GPC3: variants seen among roughly 807,000 people sequenced by gnomAD.
GPC3 encodes the protein glypican-3.
GPC3 carries 3 observed loss-of-function variants against 34.4 expected under a neutral mutation model. The observed-to-expected ratio is 0.09, with a 90% CI of 0.04 to 0.23. The LOEUF (loss-of-function observed/expected upper bound fraction) is 0.23, where lower values mean the gene tolerates loss of function less well. Ranked by LOEUF, GPC3 falls within the 10% of genes least tolerant of loss-of-function variation. The pLI, the probability that GPC3 is intolerant of heterozygous loss-of-function variation, is 1.00. For missense variants in GPC3, 351 were observed against 445.6 expected (o/e 0.79, Z 1.91); for synonymous variants, 177 against 174.0 (o/e 1.02, Z -0.13).
intron 2 of GPC3, among the ~76,000 whole-genome samples, chrX:133,776,834 C>T (rs1024302054): frequency 9.2e-6 from 1 of 109,144 alleles, no homozygotes; most frequent in African/African-American, 3.3e-5. Flanking sequence ...AATGAGTATA[C>T]TCAAAAATTA....
chrX:133,554,652 C>A (rs1341945870), intron 7 of GPC3, among the ~76,000 whole-genome samples: 1 of 110,483 alleles, frequency 9.1e-6, no homozygotes, highest in Non-Finnish European at 1.9e-5. Context: ...TGTTTCTAAC[C>A]GTCCTCCCCA....
chrX:133,838,591 G>A (rs1454127638), intron 2 of GPC3, among the ~76,000 whole-genome samples: 2 of 112,440 alleles, frequency 1.8e-5, no homozygotes, highest in Non-Finnish European at 3.8e-5. Context: ...TTTACATTCT[G>A]AATAAGCCTG....
intron 2 of GPC3, among the ~76,000 whole-genome samples, chrX:133,762,124 T>C (rs111513797): frequency 5.5e-4 from 62 of 112,225 alleles, no homozygotes; most frequent in Non-Finnish European, 8.3e-4. Flanking sequence ...AGAGGAGCTA[T>C]GCCTACCACT....
intron 5 of GPC3, among the ~76,000 whole-genome samples, chrX:133,685,994 C>T (rs144238715): frequency 0.018 from 1,999 of 111,507 alleles, 15 homozygotes; most frequent in Middle Eastern, 0.032. Context: ...GGCCCAGCAA[C>T]ATGATAAAGG....
At chrX:133,872,254 T>G (rs2075996938) in intron 2 of GPC3, among the ~76,000 whole-genome samples, 1 of 111,308 alleles carries the variant, frequency 9.0e-6, no homozygotes, top group Admixed American at 9.6e-5. Context: ...TTCTCTGAGG[T>G]TCGGGCTTTC....
intron 2 of GPC3, among the ~76,000 whole-genome samples, chrX:133,771,783 A>C (rs962854629): frequency 2.7e-5 from 3 of 112,190 alleles, no homozygotes; most frequent in African/African-American, 9.7e-5. Context: ...TATTCTCCTT[A>C]GGCTATAAAT....
At chrX:133,598,284 C>T (rs1338218530) in intron 6 of GPC3, among the ~76,000 whole-genome samples, 1 of 110,036 alleles carries the variant, frequency 9.1e-6, no homozygotes, top group Non-Finnish European at 1.9e-5. Flanking sequence ...TCCTAAGTAG[C>T]TGGGACTACA....
intron 7 of GPC3, among the ~76,000 whole-genome samples, chrX:133,558,832 G>A (rs2069516488): frequency 9.2e-6 from 1 of 108,455 alleles, no homozygotes; most frequent in African/African-American, 3.4e-5. Context: ...GGAGGTTGCA[G>A]TGAGCCAAAG....
At chrX:133,752,580 G>A (rs867931684) in intron 3 of GPC3, among the ~76,000 whole-genome samples, 1 of 111,354 alleles carries the variant, frequency 9.0e-6, no homozygotes, top group Non-Finnish European at 1.9e-5. Context: ...TAGGGAAACT[G>A]ACTGGTAACT....
intron 2 of GPC3, among the ~76,000 whole-genome samples, chrX:133,835,068 C>T (rs1367586675): frequency 8.9e-6 from 1 of 111,920 alleles, no homozygotes; most frequent in Non-Finnish European, 1.9e-5. Flanking sequence ...CTATATTTTA[C>T]AGTGTTTAAT....
chrX:133,970,251 C>T (rs752560650), intron 1 of GPC3, among the ~76,000 whole-genome samples: 4 of 111,245 alleles, frequency 3.6e-5, no homozygotes, highest in African/African-American at 6.5e-5. Context: ...AGGAATGTGC[C>T]GGGCTCCACA....
In GPC3 at chrX:133,810,132, C is replaced by T. The variant is rs1053664567; in HGVS notation, c.338-55956G>A. 6.2e-5 allele frequency among the ~76,000 whole-genome samples: 7 copies of T among 112,022 alleles called. No individual in the cohort carries two copies. The Admixed American group carries it at 6.6e-4, about 11-fold the overall frequency. Reference sequence around the variant, plus strand: ...GAGTTTTACTCATTCTCATCTCTCACCCAGAAGTACAAGCTCAAGTTCATT... The same window carrying T: ...GAGTTTTACTCATTCTCATCTCTCATCCAGAAGTACAAGCTCAAGTTCATT... On this transcript the variant is annotated intron_variant, in intron 2 of 7. Coordinates refer to ENST00000370818, the MANE Select transcript of GPC3 (RefSeq NM_004484.4).
chrX:133,762,677 C>T, intron 2 of GPC3: 1 of 323,011 alleles, frequency 3.1e-6, no homozygotes, highest in African/African-American at 2.6e-5. Context: ...CCATCTCACA[C>T]CAGTCAGAAT....
intron 2 of GPC3, among the ~76,000 whole-genome samples, chrX:133,807,906 T>C (rs1235710840): frequency 1.8e-5 from 2 of 111,893 alleles, no homozygotes; most frequent in African/African-American, 6.5e-5. Flanking sequence ...AATCAGAAAA[T>C]ATGGGGTAAG....
intron 7 of GPC3, among the ~76,000 whole-genome samples, chrX:133,584,937 A>C (rs2069772929): frequency 9.0e-6 from 1 of 110,532 alleles, no homozygotes; most frequent in Non-Finnish European, 1.9e-5. Flanking sequence ...AGCCAAAAAA[A>C]AAAAAAAAAC....
At chrX:133,553,024 A>G (rs765554992) in intron 7 of GPC3, among the ~76,000 whole-genome samples, 16 of 112,331 alleles carry the variant, frequency 1.4e-4, no homozygotes, top group Non-Finnish European at 3.0e-4. Context: ...ATCACTAAGC[A>G]GGACTATAAT....
chrX:133,843,815 G>A (rs928452156), intron 2 of GPC3, among the ~76,000 whole-genome samples: 2 of 112,158 alleles, frequency 1.8e-5, no homozygotes, highest in Non-Finnish European at 3.8e-5. Context: ...TGGCAACTAT[G>A]TAACTATGCA....
At chrX:133,610,897 G>A (rs769140800) in intron 6 of GPC3, among the ~76,000 whole-genome samples, 2 of 107,145 alleles carry the variant, frequency 1.9e-5, no homozygotes, top group South Asian at 8.7e-4. Flanking sequence ...ACCTGAGAGA[G>A]CACATGGTAA....
intron 5 of GPC3, among the ~76,000 whole-genome samples, chrX:133,691,685 G>A (rs1326483759): frequency 9.0e-6 from 1 of 111,105 alleles, no homozygotes; most frequent in Non-Finnish European, 1.9e-5. Flanking sequence ...TTTTTATAAA[G>A]ATAAATAATA....
Sources: allele counts gnomAD v4.1 joint callset (sites outside exome capture counted in the v4.1 genomes callset), GRCh38; gene constraint gnomAD v4.1.1; transcripts MANE v1.5; gene names NCBI Gene and HGNC (gene_info 2026-07-23, HGNC 2026-07-21).